TBCD: variants seen among roughly 807,000 people sequenced by gnomAD.
The protein encoded by TBCD is tubulin-specific chaperone D.
In TBCD, 105 loss-of-function variants were observed where a neutral mutation model predicts 169.3. That is an observed-to-expected ratio of 0.62 (90% CI 0.53 to 0.73). TBCD has a LOEUF of 0.73. Ranked by LOEUF, TBCD falls within the 30% of genes least tolerant of loss-of-function variation. The pLI is 0.00. For missense variants in TBCD, 1,444 were observed against 1,600.1 expected, an observed-to-expected ratio of 0.90 and a Z score of 1.66; for synonymous variants, 700 against 643.9, an observed-to-expected ratio of 1.09 and a Z score of -1.32.
Position 82,915,192 on chromosome 17 carries a change from C to T in TBCD, c.2038+3403C>T, listed in dbSNP as rs1457180340. ...CCAGGCCAGAGGATGGCGCCCTTAC[C>T]CCCGAGGACGCCGGCATGTCGGTGA... is the stretch of plus-strand genomic sequence containing the variant. On this transcript the variant is annotated intron_variant, in intron 23 of 38. Transcript: ENST00000355528. This position sits in a 1 kb window ranked among gnomAD's most constrained non-coding sequence, Gnocchi z 4.3. 6.6e-6 allele frequency among the ~76,000 whole-genome samples: 1 copy of T among 152,122 alleles called. No homozygotes were observed. The highest frequency in any genetic ancestry group is 6.5e-5 in the Admixed American group (1 of 15,282).
intron 14 of TBCD, among the ~76,000 whole-genome samples, chr17:82,876,302 C>T (rs1331026666): frequency 1.3e-5 from 2 of 152,152 alleles, no homozygotes; most frequent in Admixed American, 6.5e-5. Context: ...ACTTCTCCAG[C>T]GAAAGCAAAC....
Position 82,929,177 on chromosome 17 carries a change from C to T in TBCD, c.2758C>T (p.His920Tyr), listed in dbSNP as rs766308186. Reference sequence around the variant, plus strand: ...TGAGAAGATTGACCGTTTCCGTGCTCACGCCGCCAGCGTGTTCCTGACGCT... The same window carrying T: ...TGAGAAGATTGACCGTTTCCGTGCTTACGCCGCCAGCGTGTTCCTGACGCT... ...ASEKIDRFRA[H>Y]AASVFLTLLH... The change falls in exon 31 of 39, where the codon CAC (histidine) becomes TAC (tyrosine). Residue 920 changes from histidine (H) to tyrosine (Y), a missense_variant. Coordinates refer to ENST00000355528, the MANE Select transcript of TBCD (RefSeq NM_005993.5). The T allele has an allele frequency of 6.2e-6, 10 of 1,613,630 alleles. No individual in the cohort carries two copies. Among genetic ancestry groups the T allele is most frequent in the African/African-American group, 1.3e-5 (1 of 74,928 alleles).
intron 13 of TBCD, among the ~76,000 whole-genome samples, chr17:82,841,800 A>AAGCT (rs1224042903): frequency 1.3e-5 from 2 of 152,128 alleles, no homozygotes; most frequent in Non-Finnish European, 2.9e-5. Flanking sequence ...CCGTGGGAGA[A>AAGCT]AGCTGGCAGG....
rs2063421833 is a variant in TBCD, at chr17:82,942,686, TA to T, written c.*227del. 9.0e-5 allele frequency: 55 copies of T among 613,248 alleles called. 2 individuals are homozygous for T. In the South Asian group the frequency reaches 1.1e-3, roughly 12 times the overall value. The allele number at this position is 613,248 out of a possible 1,614,324, so 38.0% of individuals were successfully genotyped here. On this transcript the variant is annotated 3_prime_UTR_variant, in exon 39 of 39. Coordinates refer to ENST00000355528, the MANE Select transcript of TBCD (RefSeq NM_005993.5). ...CACTTGAACACAAATGTGCTTCCTATAAAATCATGTACCAAGAAGTTCCTGC... is the reference window on the plus strand; with the variant it reads ...CACTTGAACACAAATGTGCTTCCTATAAATCATGTACCAAGAAGTTCCTGC...
chr17:82,881,804 A>G (rs1047249869), intron 14 of TBCD, among the ~76,000 whole-genome samples: 6 of 152,084 alleles, frequency 3.9e-5, no homozygotes, highest in Non-Finnish European at 7.4e-5. Flanking sequence ...TTTATGCTAT[A>G]TTGTTAGTTT....
intron 15 of TBCD, among the ~76,000 whole-genome samples, chr17:82,887,870 A>G (rs2058864268): frequency 6.6e-6 from 1 of 152,058 alleles, no homozygotes; most frequent in Non-Finnish European, 1.5e-5. Context: ...TCACGGGCTT[A>G]CTTGCCGTCT....
intron 37 of TBCD, 75 bp downstream of exon 37, chr17:82,939,551 G>T (rs372283604): frequency 2.5e-6 from 3 of 1,201,786 alleles, no homozygotes; most frequent in Non-Finnish European, 2.4e-6. Context: ...GTGTCTACTC[G>T]TCTCTCCCAA....
chr17:82,908,425 C>A (rs1484920922), intron 21 of TBCD: 4 of 456,206 alleles, frequency 8.8e-6, no homozygotes, highest in Non-Finnish European at 1.8e-5. Context: ...TCAAAGGCTT[C>A]TGTGACCCAG....
intron 7 of TBCD, 125 bp from the exon 8 acceptor site, chr17:82,797,632 A>T: frequency 7.1e-6 from 5 of 700,786 alleles, no homozygotes; most frequent in Non-Finnish European, 9.4e-6. Context: ...TTTCTTTATT[A>T]TTAGGTGGTG....
At chr17:82,913,284 TACGACCTTCAC>T (rs1221048559) in intron 23 of TBCD, 2 of 152,426 alleles carry the variant, frequency 1.3e-5, no homozygotes, top group Admixed American at 6.5e-5. Flanking sequence ...GAGGCAGTCC[TACGACCTTCAC>T]ACGACCTTCA....
chr17:82,865,212 A>T (rs1320645351), intron 13 of TBCD, among the ~76,000 whole-genome samples: 1 of 150,884 alleles, frequency 6.6e-6, no homozygotes, highest in South Asian at 2.2e-4. Flanking sequence ...GACAGGAGCC[A>T]TGGCTGTGTG....
chr17:82,941,823 T>C (rs1211954322), intron 38 of TBCD: 2 of 338,056 alleles, frequency 5.9e-6, no homozygotes, highest in African/African-American at 4.3e-5. Flanking sequence ...CCTCCTCATC[T>C]GCTTCCCATG....
At chr17:82,911,811 G>T in intron 23 of TBCD, 22 bp downstream of exon 23, 5 of 1,613,280 alleles carry the variant, frequency 3.1e-6, no homozygotes, top group Non-Finnish European at 4.2e-6. Context: ...GGCCTTTGCA[G>T]CCCTCTGCAG....
intron 13 of TBCD, among the ~76,000 whole-genome samples, chr17:82,842,564 G>C (rs994879777): frequency 6.6e-6 from 1 of 152,058 alleles, no homozygotes; most frequent in African/African-American, 2.4e-5. Context: ...ATCCCATGTC[G>C]TCTTTCTCTT....
At chr17:82,817,490 T>C (rs1282060828) in intron 13 of TBCD, among the ~76,000 whole-genome samples, 1 of 151,996 alleles carries the variant, frequency 6.6e-6, no homozygotes, top group African/African-American at 2.4e-5. Flanking sequence ...AGAGATGGGG[T>C]TTTCCCATGT....
rs1398211925 is a variant in TBCD at position 82,937,469 on chromosome 17, C to G, written c.3281+109C>G. On this transcript the variant is annotated intron_variant, in intron 35 of 38. Coordinates refer to ENST00000355528, the MANE Select transcript of TBCD (RefSeq NM_005993.5). ...CGGGAGAGGAGCAGTTAGTGTTACTCCTCAAGCTAACCTAAGATCGTGCAT... is the reference window on the plus strand; with the variant it reads ...CGGGAGAGGAGCAGTTAGTGTTACTGCTCAAGCTAACCTAAGATCGTGCAT... 11 of 943,796 alleles carry G rather than the reference C, an allele frequency of 1.2e-5. No homozygotes were observed. The African/African-American group carries it at 1.5e-4, about 13-fold the overall frequency. The allele number at this position is 943,796 out of a possible 1,614,324, so 58.5% of individuals were successfully genotyped here. A position where few individuals can be genotyped will look rare whatever the true frequency, so the allele number is the denominator to read the frequency against.
At chr17:82,776,242 T>G (rs905831900) in intron 6 of TBCD, among the ~76,000 whole-genome samples, 11 of 151,710 alleles carry the variant, frequency 7.3e-5, no homozygotes, top group African/African-American at 2.2e-4. Flanking sequence ...GTACGCTGTA[T>G]GCAGAAAAGT....
rs144686409 is a variant in TBCD at position 82,924,420 on chromosome 17, C to A, written c.2261-519C>A. 2.0e-5 allele frequency among the ~76,000 whole-genome samples: 3 copies of A among 152,368 alleles called. No homozygotes were observed. The East Asian group carries it at 5.8e-4, about 29-fold the overall frequency. On this transcript the variant is annotated intron_variant, in intron 26 of 38. Coordinates refer to ENST00000355528, the MANE Select transcript of TBCD (RefSeq NM_005993.5). ...CGCCTCACTGTACATCCTGCACCCC[C>A]GTGCTGAAGTTCAGGCTTGCTTCTC...
chr17:82,930,364 G>T lies in TBCD; in HGVS notation c.2992-158G>T. ...GGGTGTCTGCACTGTGAGTGGCTCCGTGCTGGCGTCCGCACCAGCCGCTTG... is the reference window on the plus strand; with the variant it reads ...GGGTGTCTGCACTGTGAGTGGCTCCTTGCTGGCGTCCGCACCAGCCGCTTG... On this transcript the variant is annotated intron_variant, in intron 32 of 38. Coordinates refer to ENST00000355528, the MANE Select transcript of TBCD (RefSeq NM_005993.5). The surrounding 1 kb of genome is among the most constrained non-coding windows in gnomAD (Gnocchi z 5.2). 1 of 1,070,190 alleles carries T rather than the reference G, an allele frequency of 9.3e-7. No homozygotes were observed. 66.3% of individuals were successfully genotyped at this position (1,070,190 alleles called of 1,614,324 possible). A position where few individuals can be genotyped will look rare whatever the true frequency, so the allele number is the denominator to read the frequency against.
Sources: gnomAD v4.1 joint callset for allele counts (sites outside exome capture counted in the v4.1 genomes callset) on GRCh38, gnomAD v4.1.1 for gene constraint, Gnocchi (gnomAD v3.1) non-coding constraint, MANE v1.5 for transcripts, NCBI Gene and HGNC (gene_info 2026-07-23, HGNC 2026-07-21) for gene names.